The following ADARB1 variants were observed in gnomAD, a reference collection of about 807,000 sequenced individuals.
ADARB1 encodes double-stranded RNA-specific editase 1.
Under a neutral mutation model 52.4 loss-of-function variants are expected in ADARB1, and 10 were observed. That is an observed-to-expected ratio of 0.19 (90% CI 0.12 to 0.32). The LOEUF is 0.32. Ranked by LOEUF, ADARB1 falls within the 10% of genes least tolerant of loss-of-function variation. The pLI is 1.00. For synonymous variants in ADARB1, 349 were observed against 371.1 expected, an observed-to-expected ratio of 0.94 and a Z score of 0.68; for missense variants, 643 against 922.3, an observed-to-expected ratio of 0.70 and a Z score of 3.92.
chr21:45,109,296 A>G (rs1457970018), intron 1 of ADARB1, among the ~76,000 whole-genome samples: 6 of 141,040 alleles, frequency 4.3e-5, no homozygotes, highest in Non-Finnish European at 9.1e-5. Flanking sequence ...TTGTGCATAT[A>G]TGTGTGTGCA....
intron 1 of ADARB1, among the ~76,000 whole-genome samples, chr21:45,112,895 G>A (rs1205567480): frequency 1.3e-5 from 2 of 152,098 alleles, no homozygotes; most frequent in African/African-American, 4.8e-5. Flanking sequence ...CCCTCTGTGA[G>A]TTGTGAGGGG....
chr21:45,080,674 A>G (rs759336122), intron 1 of ADARB1, among the ~76,000 whole-genome samples: 4 of 152,268 alleles, frequency 2.6e-5, no homozygotes, highest in African/African-American at 4.8e-5. Flanking sequence ...TTATTTAAAA[A>G]ATTCACTTTT....
intron 9 of ADARB1, among the ~76,000 whole-genome samples, chr21:45,206,509 A>G (rs1398079716): frequency 2.0e-5 from 3 of 150,378 alleles, no homozygotes; most frequent in Admixed American, 2.0e-4. Flanking sequence ...TAGAGACTTC[A>G]AAGTTACTGA....
At chr21:45,139,086 A>G (rs1288626282) in intron 2 of ADARB1, among the ~76,000 whole-genome samples, 3 of 151,904 alleles carry the variant, frequency 2.0e-5, no homozygotes, top group Non-Finnish European at 4.4e-5. Context: ...ATGCCTGGCT[A>G]ATTTTTGTAG....
At position 45,128,353 on chromosome 21, in the gene ADARB1, G is replaced by A. The variant is rs1475764956; in HGVS notation, c.-219-49G>A. On this transcript the variant is annotated intron_variant, in intron 1 of 10. Coordinates refer to ENST00000348831, the MANE Select transcript of ADARB1 (RefSeq NM_001112.4). This position sits in a 1 kb window ranked among gnomAD's most constrained non-coding sequence, Gnocchi z 4.6. ...CTTCTGAAATGGTGACAAAGCTTTT[G>A]ATACTGAATCAAACAAGTGTGAAGT... 6.6e-6 allele frequency: 1 copy of A among 152,230 alleles called. No individual in the cohort carries two copies. The highest frequency in any genetic ancestry group is 2.4e-5 in the African/African-American group (1 of 41,460). 9.4% of individuals were successfully genotyped at this position (152,230 alleles called of 1,614,324 possible). A position where few individuals can be genotyped will look rare whatever the true frequency, so the allele number is the denominator to read the frequency against.
At chr21:45,198,798 A>G (rs902810266) in intron 8 of ADARB1, among the ~76,000 whole-genome samples, 1 of 152,250 alleles carries the variant, frequency 6.6e-6, no homozygotes. Context: ...ATGGAAATAC[A>G]CATTTATACA....
intron 2 of ADARB1, among the ~76,000 whole-genome samples, chr21:45,140,560 G>T (rs987299227): frequency 6.6e-6 from 1 of 152,132 alleles, no homozygotes; most frequent in Non-Finnish European, 1.5e-5. Flanking sequence ...CTCAGTGGAG[G>T]AGGCTCAGTG....
intron 9 of ADARB1, among the ~76,000 whole-genome samples, chr21:45,210,605 G>T (rs1017738441): frequency 6.6e-6 from 1 of 152,170 alleles, no homozygotes; most frequent in Admixed American, 6.5e-5. Context: ...AATCCACGCC[G>T]CAGCCCTGTG....
At chr21:45,219,989 C>CTT (rs10718648) in intron 9 of ADARB1, among the ~76,000 whole-genome samples, 81 of 121,964 alleles carry the variant, frequency 6.6e-4, no homozygotes, top group African/African-American at 2.3e-3. Flanking sequence ...TCTTGGTAGC[C>CTT]TTTTTTTTTT....
In ADARB1 at chr21:45,200,928, T is replaced by C. The variant is rs974421434; in HGVS notation, c.1566-3627T>C. ...GATCAGATGATAGCAGTCTGGACTCTGTTCCTAAAGAAATGGCACAAGGAA... is the reference window on the plus strand; with the variant it reads ...GATCAGATGATAGCAGTCTGGACTCCGTTCCTAAAGAAATGGCACAAGGAA... On this transcript the variant is annotated intron_variant, in intron 8 of 10. Transcript: ENST00000348831. The surrounding 1 kb of genome is among the most constrained non-coding windows in gnomAD (Gnocchi z 5.0). Among the ~76,000 whole-genome samples, 6 of 152,230 alleles carry C rather than the reference T, an allele frequency of 3.9e-5. No individual in the cohort carries two copies. The highest frequency in any genetic ancestry group is 6.5e-5 in the Admixed American group (1 of 15,290).
rs1289443829 is a variant in ADARB1 at position 45,204,970 on chromosome 21, A to G, written c.1747+234A>G. On this transcript the variant is annotated intron_variant, in intron 9 of 10. Transcript: ENST00000348831. This position sits in a 1 kb window ranked among gnomAD's most constrained non-coding sequence, Gnocchi z 4.4. The stretch of plus-strand genomic sequence containing the variant: ...TCCTTTACCAATCACAAACCTAGCC[A>G]TTCATAGAAGAATTGATGGGTTCAC... Among the ~76,000 whole-genome samples, 1 of 152,138 alleles carries G rather than the reference A, an allele frequency of 6.6e-6. No individual in the cohort carries two copies. The highest frequency in any genetic ancestry group is 1.5e-5 in the Non-Finnish European group (1 of 68,038).
chr21:45,146,881 C>T (rs1211144184), intron 2 of ADARB1, among the ~76,000 whole-genome samples: 1 of 152,186 alleles, frequency 6.6e-6, no homozygotes, highest in African/African-American at 2.4e-5. Flanking sequence ...TAAGTGCTTT[C>T]TTCTGGGTAA....
chr21:45,184,094 G>A (rs564774249), intron 7 of ADARB1, among the ~76,000 whole-genome samples: 3 of 152,106 alleles, frequency 2.0e-5, no homozygotes, highest in Non-Finnish European at 4.4e-5. Flanking sequence ...TACTCACTGT[G>A]GAAAATTGCT....
At chr21:45,171,334 C>T (rs951791347) in intron 2 of ADARB1, among the ~76,000 whole-genome samples, 4 of 152,204 alleles carry the variant, frequency 2.6e-5, no homozygotes, top group Admixed American at 6.5e-5. Flanking sequence ...GGACCTGGTC[C>T]CACCCTCATC....
chr21:45,176,747 CTGT>C lies in ADARB1; in HGVS notation c.963+86_963+88del. The C allele has an allele frequency of 7.2e-7, 1 of 1,392,496 alleles. No homozygotes were observed. The highest frequency in any genetic ancestry group is 9.7e-7 in the Non-Finnish European group (1 of 1,031,378). The allele number at this position is 1,392,496 out of a possible 1,614,324, so 86.3% of individuals were successfully genotyped here. ...AGACAGCATTTTAGTTTCAGGATTA[CTGT>C]TGACTTTCCACCTTGACATCACTCT... is the stretch of plus-strand genomic sequence containing the variant. On this transcript the variant is annotated intron_variant, in intron 4 of 10. Transcript: ENST00000348831. The surrounding 1 kb of genome is among the most constrained non-coding windows in gnomAD (Gnocchi z 5.8).
chr21:45,116,752 T>G (rs140641172), intron 1 of ADARB1, among the ~76,000 whole-genome samples: 2 of 152,316 alleles, frequency 1.3e-5, no homozygotes, highest in Non-Finnish European at 2.9e-5. Context: ...GAGAACTCAC[T>G]CACTATCACG....
chr21:45,192,339 C>T (rs144381523), intron 8 of ADARB1, among the ~76,000 whole-genome samples: 45 of 152,160 alleles, frequency 3.0e-4, no homozygotes, highest in African/African-American at 1.0e-3. Context: ...AAAGATAGCC[C>T]CACCCCAATG....
intron 1 of ADARB1, among the ~76,000 whole-genome samples, chr21:45,123,128 G>A (rs1272513338): frequency 6.6e-6 from 1 of 152,030 alleles, no homozygotes; most frequent in Non-Finnish European, 1.5e-5. Context: ...CTTGAACATG[G>A]ACACATATAT....
chr21:45,081,865 T>C (rs1318340614), intron 1 of ADARB1, among the ~76,000 whole-genome samples: 2 of 152,122 alleles, frequency 1.3e-5, no homozygotes, highest in East Asian at 1.9e-4. Flanking sequence ...ACCAGAACCA[T>C]TGTCCAGTCA....
Sources: allele counts gnomAD v4.1 joint callset (sites outside exome capture counted in the v4.1 genomes callset), GRCh38; gene constraint gnomAD v4.1.1; non-coding constraint Gnocchi (gnomAD v3.1); transcripts MANE v1.5; gene names NCBI Gene and HGNC (gene_info 2026-07-23, HGNC 2026-07-21).